LRRC2: variants seen among roughly 807,000 people sequenced by gnomAD.
LRRC2 encodes leucine-rich repeat-containing protein 2.
In LRRC2, 27 loss-of-function variants were observed where a neutral mutation model predicts 40.2. That is an observed-to-expected ratio of 0.67 (90% CI 0.49 to 0.93). The LOEUF is 0.93. Ranked by LOEUF, LRRC2 falls within the 40% of genes least tolerant of loss-of-function variation. The probability of loss-of-function intolerance (pLI) is 0.00; values close to 1 mark genes in which losing one functional copy is unlikely to be tolerated. For synonymous variants in LRRC2, 147 were observed against 158.9 expected (o/e 0.92, Z 0.56); for missense variants, 402 against 439.6 (o/e 0.91, Z 0.76).
At chr3:46,537,249 C>A in intron 4 of LRRC2, among the ~76,000 whole-genome samples, 1 of 152,262 alleles carries the variant, frequency 6.6e-6, no homozygotes, top group South Asian at 2.1e-4. Context: ...CACAGGCACA[C>A]GCCATCATGC....
chr3:46,532,700 G>T (rs1305293625), intron 5 of LRRC2, 73 bp downstream of exon 5: 13 of 1,428,586 alleles, frequency 9.1e-6, no homozygotes, highest in Non-Finnish European at 1.2e-5. Context: ...AAAACTTCTT[G>T]CCATATTATA....
intron 1 of LRRC2, among the ~76,000 whole-genome samples, chr3:46,562,685 C>T (rs1704970548): frequency 1.3e-5 from 2 of 151,996 alleles, no homozygotes; most frequent in Admixed American, 1.3e-4. Context: ...TAATTCCACA[C>T]CTCAGGAATG....
At chr3:46,534,018 A>G (rs1192635092) in intron 4 of LRRC2, among the ~76,000 whole-genome samples, 1 of 151,338 alleles carries the variant, frequency 6.6e-6, no homozygotes, top group East Asian at 1.9e-4. Flanking sequence ...CTATCAACAC[A>G]TCATCTAGGT....
At chr3:46,526,194 T>G (rs1704058583) in intron 7 of LRRC2, among the ~76,000 whole-genome samples, 2 of 152,216 alleles carry the variant, frequency 1.3e-5, no homozygotes, top group African/African-American at 4.8e-5. Context: ...AGGTTATTTC[T>G]AAGAATCAGT....
At chr3:46,532,604 CA>C (rs72236846) in intron 5 of LRRC2, among the ~76,000 whole-genome samples, 168 bp downstream of exon 5, 51,550 of 150,306 alleles carry the variant, frequency 0.34, 8,927 homozygotes, top group Middle Eastern at 0.49. Context: ...GACTCCACCT[CA>C]AAAAAAAAGA....
chr3:46,523,364 G>A (rs1051077773), intron 7 of LRRC2, among the ~76,000 whole-genome samples: 74 of 151,986 alleles, frequency 4.9e-4, no homozygotes, highest in African/African-American at 1.8e-3. Context: ...TTTTTCATTG[G>A]TCTATCACTG....
chr3:46,534,416 C>CT (rs1332444248), intron 4 of LRRC2, among the ~76,000 whole-genome samples: 21 of 79,098 alleles, frequency 2.7e-4, no homozygotes, highest in East Asian at 5.6e-4. Context: ...TTTTCTTTTC[C>CT]TTCCTTCCTT....
intron 1 of LRRC2, among the ~76,000 whole-genome samples, chr3:46,560,358 A>G (rs1383948006): frequency 6.6e-6 from 1 of 152,202 alleles, no homozygotes; most frequent in Non-Finnish European, 1.5e-5. Context: ...TTACAAAGCT[A>G]ATCTCTTCTT....
At chr3:46,546,729 T>G (rs1300326272) in intron 2 of LRRC2, among the ~76,000 whole-genome samples, 1 of 148,714 alleles carries the variant, frequency 6.7e-6, no homozygotes, top group Non-Finnish European at 1.5e-5. Flanking sequence ...TTTTTTTTTT[T>G]TTTTTTTGAG....
In LRRC2 at chr3:46,529,941, C is replaced by A. The variant is rs940342122; in HGVS notation, c.737G>T (p.Ser246Ile). The change falls in exon 6 of 9, where the codon AGC becomes ATC. Residue 246 changes from serine (S) to isoleucine (I), a missense_variant. By Grantham distance (142) the Ser-to-Ile change is moderately radical. Transcript: ENST00000395905. ...TTGCGGCAGGTCGGTCAGGTTATTG[C>A]TGCTGATATCCAACCACTGCAAATT... ...MSNLQWLDIS[S>I]NNLTDLPQDI... 2 of 1,614,122 alleles carry A rather than the reference C, an allele frequency of 1.2e-6. No homozygotes were observed. Among genetic ancestry groups the A allele is most frequent in the Non-Finnish European group, 1.7e-6 (2 of 1,180,020 alleles).
At chr3:46,553,085 G>T (rs1056786728) in intron 1 of LRRC2, among the ~76,000 whole-genome samples, 1 of 151,826 alleles carries the variant, frequency 6.6e-6, no homozygotes, top group Non-Finnish European at 1.5e-5. Flanking sequence ...GTAAATAAAA[G>T]ATATTGCTTC....
Position 46,545,036 on chromosome 3 carries a change from C to T in LRRC2, c.333+10G>A, listed in dbSNP as rs200807083. Reference sequence around the variant, plus strand: ...CAGCACTGCATTGGGCGAGAACTGCCTCGACTCACCGTCCAGTGCTCCCCA... The same window carrying T: ...CAGCACTGCATTGGGCGAGAACTGCTTCGACTCACCGTCCAGTGCTCCCCA... On this transcript the variant is annotated intron_variant, in intron 3 of 8. Coordinates refer to ENST00000395905, the MANE Select transcript of LRRC2 (RefSeq NM_024512.5). The T allele has an allele frequency of 1.0e-4, 168 of 1,611,786 alleles. No individual in the cohort carries two copies. The highest frequency in any genetic ancestry group is 1.4e-4 in the Non-Finnish European group (162 of 1,179,508).
At chr3:46,524,639 A>G (rs546214901) in intron 7 of LRRC2, among the ~76,000 whole-genome samples, 1 of 152,102 alleles carries the variant, frequency 6.6e-6, no homozygotes, top group African/African-American at 2.4e-5. Flanking sequence ...CATATTTTAA[A>G]TTTTTTCTTT....
chr3:46,523,448 ATTTCTCCCCTTC>A (rs762735257), intron 7 of LRRC2, among the ~76,000 whole-genome samples: 2 of 151,988 alleles, frequency 1.3e-5, no homozygotes, highest in Non-Finnish European at 2.9e-5. Context: ...AAGTGGTGGT[ATTTCTCCCCTTC>A]TTTCCAGTTT....
At chr3:46,530,142 A>G in intron 5 of LRRC2, 92 bp from the exon 6 acceptor site, 1 of 1,050,974 alleles carries the variant, frequency 9.5e-7, no homozygotes, top group East Asian at 2.6e-5. Context: ...TCTTCCCCAA[A>G]GGCATTTCTA....
chr3:46,550,245 C>A (rs1316129089), intron 2 of LRRC2, among the ~76,000 whole-genome samples: 2 of 152,136 alleles, frequency 1.3e-5, no homozygotes, highest in African/African-American at 4.8e-5. Context: ...ATGGTGGTAA[C>A]CACCTGAAAC....
At chr3:46,546,252 G>A (rs547262142) in intron 2 of LRRC2, among the ~76,000 whole-genome samples, 1 of 152,372 alleles carries the variant, frequency 6.6e-6, no homozygotes, top group African/African-American at 2.4e-5. Context: ...AACAATCCTA[G>A]TATGGAAACT....
intron 4 of LRRC2, among the ~76,000 whole-genome samples, chr3:46,537,198 G>A (rs1559413238): frequency 6.6e-6 from 1 of 152,136 alleles, no homozygotes; most frequent in South Asian, 2.1e-4. Flanking sequence ...TGCCATCACC[G>A]CTCACTGCAG....
intron 5 of LRRC2, among the ~76,000 whole-genome samples, 169 bp from the exon 6 acceptor site, chr3:46,530,219 G>A (rs1186659181): frequency 6.6e-6 from 1 of 152,156 alleles, no homozygotes; most frequent in Non-Finnish European, 1.5e-5. Context: ...CATTCACTGT[G>A]CACACGTAGA....
Sources: gnomAD v4.1 joint callset for allele counts (sites outside exome capture counted in the v4.1 genomes callset) on GRCh38, gnomAD v4.1.1 for gene constraint, MANE v1.5 for transcripts, NCBI Gene and HGNC (gene_info 2026-07-23, HGNC 2026-07-21) for gene names.